The following LCORL variants were observed in gnomAD, a reference collection of about 807,000 sequenced individuals.
The protein encoded by LCORL is ligand dependent nuclear receptor corepressor like.
A neutral mutation model predicts 141.8 loss-of-function variants in LCORL; 41 were observed. That is an observed-to-expected ratio of 0.29 (90% CI 0.23 to 0.38). LCORL has a LOEUF of 0.38. Among genes scored for constraint, LCORL ranks in the 10% least tolerant of loss-of-function variants. The pLI is 1.00. For missense variants in LCORL, 1,759 were observed against 2,035.0 expected (o/e 0.86, Z 2.61); for synonymous variants, 618 against 694.1 (o/e 0.89, Z 1.72).
chr4:18,021,494 T>TAA lies in LCORL; in HGVS notation c.154+102_154+103dup. 1 of 1,012,096 alleles carries TAA rather than the reference T, an allele frequency of 9.9e-7. No individual in the cohort carries two copies. The highest frequency in any genetic ancestry group is 1.4e-6 in the Non-Finnish European group (1 of 730,248). The allele number at this position is 1,012,096 out of a possible 1,614,324, so 62.7% of individuals were successfully genotyped here. A position where few individuals can be genotyped will look rare whatever the true frequency, so the allele number is the denominator to read the frequency against. On this transcript the variant is annotated intron_variant, in intron 1 of 7. Transcript: ENST00000635767. The surrounding 1 kb of genome is among the most constrained non-coding windows in gnomAD (Gnocchi z 5.5). ...CTCCCATCTCGCTCCCCCACCGAAC[T>TAA]AACCCGAACGGGAGATTCAACTAAA...
intron 1 of LCORL, among the ~76,000 whole-genome samples, chr4:17,974,869 G>C (rs1411016590): frequency 3.3e-5 from 5 of 152,046 alleles, no homozygotes. Context: ...CAAAAAAGTT[G>C]CTCAAAAGAT....
chr4:17,982,995 A>G (rs984250629), intron 1 of LCORL, among the ~76,000 whole-genome samples: 27 of 152,176 alleles, frequency 1.8e-4, no homozygotes, highest in African/African-American at 6.0e-4. Context: ...CTAGCCAGTT[A>G]TCCCAGCACC....
At position 17,928,938 on chromosome 4, in the gene LCORL, T is replaced by C. The variant is rs374218512; in HGVS notation, c.431-19593A>G. On this transcript the variant is annotated intron_variant, in intron 4 of 7. Transcript: ENST00000635767. ...ACAAACAAACATTAAGAACTAATAG[T>C]CAAGTTCACAAGGTTACAGGATACC... Among the ~76,000 whole-genome samples, 7 of 152,294 alleles carry C rather than the reference T, an allele frequency of 4.6e-5. No individual in the cohort carries two copies. The East Asian group carries it at 1.2e-3, about 25-fold the overall frequency.
intron 7 of LCORL, among the ~76,000 whole-genome samples, chr4:17,869,912 C>A (rs1014725698): frequency 6.6e-6 from 1 of 152,034 alleles, no homozygotes; most frequent in Non-Finnish European, 1.5e-5. Context: ...TCCCTTTTTT[C>A]TTCTAATCTT....
chr4:17,863,358 T>A (rs1037640556), intron 7 of LCORL, among the ~76,000 whole-genome samples: 1 of 152,112 alleles, frequency 6.6e-6, no homozygotes, highest in African/African-American at 2.4e-5. Flanking sequence ...ACAGACACTT[T>A]TCAAAAGAAG....
At chr4:17,998,151 T>C (rs976956974) in intron 1 of LCORL, among the ~76,000 whole-genome samples, 1 of 152,114 alleles carries the variant, frequency 6.6e-6, no homozygotes, top group Admixed American at 6.5e-5. Flanking sequence ...GTATAAAAGA[T>C]ACAAAATAGT....
At chr4:17,886,809 C>T (rs934750879) in intron 5 of LCORL, among the ~76,000 whole-genome samples, 7 of 151,944 alleles carry the variant, frequency 4.6e-5, no homozygotes, top group South Asian at 4.1e-4. Flanking sequence ...TAACTGCCTA[C>T]GCATGTTATT....
At chr4:17,866,538 G>A (rs1333347101) in intron 7 of LCORL, among the ~76,000 whole-genome samples, 1 of 152,112 alleles carries the variant, frequency 6.6e-6, no homozygotes, top group African/African-American at 2.4e-5. Context: ...TTCTATGTTT[G>A]CATAACACAG....
intron 2 of LCORL, among the ~76,000 whole-genome samples, chr4:17,968,263 T>A (rs753552578): frequency 3.3e-5 from 5 of 152,210 alleles, no homozygotes; most frequent in Non-Finnish European, 5.9e-5. Flanking sequence ...TAAACATACA[T>A]ATGTGATAAG....
chr4:17,998,401 T>C (rs1721248087), intron 1 of LCORL, among the ~76,000 whole-genome samples: 1 of 152,144 alleles, frequency 6.6e-6, no homozygotes, highest in Non-Finnish European at 1.5e-5. Flanking sequence ...ACTTCTTTAT[T>C]GATAGTCTTA....
At chr4:18,007,353 C>A (rs190779892) in intron 1 of LCORL, among the ~76,000 whole-genome samples, 296 of 152,258 alleles carry the variant, frequency 1.9e-3, no homozygotes, top group Middle Eastern at 3.4e-3. Context: ...ACTACTATAT[C>A]CTGCTTACAT....
chr4:18,001,975 A>G (rs780828185), intron 1 of LCORL, among the ~76,000 whole-genome samples: 2 of 150,520 alleles, frequency 1.3e-5, no homozygotes, highest in Non-Finnish European at 1.5e-5. Context: ...ATCCACACAC[A>G]TATGTTTGTT....
intron 2 of LCORL, 101 bp downstream of exon 2, chr4:17,972,719 C>T: frequency 2.4e-6 from 1 of 412,026 alleles, no homozygotes; most frequent in Admixed American, 4.4e-5. Context: ...TAAATTGGAT[C>T]ATAAATTCAT....
At position 17,896,875 on chromosome 4, in the gene LCORL, C is replaced by G. The variant is rs182924467; in HGVS notation, c.683-10714G>C. Reference sequence around the variant, plus strand: ...CCCACTTCCTCCTTACCCCACCCCCCACTATCCTTCTCAGCCTCTGGTAAC... The same window carrying G: ...CCCACTTCCTCCTTACCCCACCCCCGACTATCCTTCTCAGCCTCTGGTAAC... On this transcript the variant is annotated intron_variant, in intron 5 of 7. Coordinates refer to ENST00000635767, the Ensembl canonical transcript of LCORL. Among the ~76,000 whole-genome samples, 700 of 152,138 alleles carry G rather than the reference C, an allele frequency of 4.6e-3. 4 individuals carry two copies. The highest frequency in any genetic ancestry group is 0.016 in the African/African-American group (670 of 41,508).
At chr4:17,873,646 A>C (rs984869255) in exon 7 of LCORL, 29 of 1,233,862 alleles carry the variant, frequency 2.4e-5, no homozygotes, top group Non-Finnish European at 2.7e-5. Context: ...TTTTTAAAAG[A>C]ATTTTGCCTA....
At chr4:18,006,371 T>A (rs191488697) in intron 1 of LCORL, among the ~76,000 whole-genome samples, 12 of 152,246 alleles carry the variant, frequency 7.9e-5, no homozygotes, top group African/African-American at 2.4e-4. Flanking sequence ...CATTTTCCTG[T>A]CTTCTTCTAA....
Position 17,947,400 on chromosome 4 carries a change from G to C in LCORL, c.430+14503C>G, listed in dbSNP as rs374433748. Among the ~76,000 whole-genome samples the C allele has an allele frequency of 2.0e-4, 30 of 152,060 alleles. 1 individual carries two copies. In the South Asian group the frequency reaches 3.3e-3, roughly 17 times the overall value. On this transcript the variant is annotated intron_variant, in intron 4 of 7. Coordinates refer to ENST00000635767, the Ensembl canonical transcript of LCORL. ...AAGTACAGAGTAGAATACAAAGGCT[G>C]GGGGTATGGGAAATGGGGAAACAGA...
chr4:17,846,634 C>CTT (rs575875041), intron 7 of LCORL, among the ~76,000 whole-genome samples: 43 of 152,246 alleles, frequency 2.8e-4, no homozygotes, highest in African/African-American at 1.0e-3. Context: ...GCTTATTTGG[C>CTT]TTTACATTAG....
intron 4 of LCORL, among the ~76,000 whole-genome samples, chr4:17,922,643 A>C (rs1734477587): frequency 6.6e-6 from 1 of 152,144 alleles, no homozygotes. Flanking sequence ...GGAAAATCAG[A>C]CACAAGCTCT....
Sources: allele counts gnomAD v4.1 joint callset (sites outside exome capture counted in the v4.1 genomes callset), GRCh38; gene constraint gnomAD v4.1.1; non-coding constraint Gnocchi (gnomAD v3.1); transcripts MANE v1.5; gene names NCBI Gene and HGNC (gene_info 2026-07-23, HGNC 2026-07-21).